PTK2: variants seen among roughly 807,000 people sequenced by gnomAD.
PTK2 encodes protein tyrosine kinase 2.
In PTK2, 45 loss-of-function variants were observed where a neutral mutation model predicts 150.1. The ratio of observed to expected loss-of-function variants is 0.30; its 90% CI spans 0.24 to 0.38. The LOEUF (loss-of-function observed/expected upper bound fraction) is 0.38. Among genes scored for constraint, PTK2 ranks in the 10% least tolerant of loss-of-function variants. The pLI, the probability that PTK2 is intolerant of heterozygous loss-of-function variation, is 1.00. For synonymous variants in PTK2, 432 were observed against 449.2 expected (o/e 0.96, Z 0.48); for missense variants, 919 against 1,307.3 (o/e 0.70, Z 4.58).
intron 8 of PTK2, among the ~76,000 whole-genome samples, chr8:140,827,634 C>T (rs2100112631): frequency 6.6e-6 from 1 of 152,102 alleles, no homozygotes; most frequent in Admixed American, 6.5e-5. Context: ...AAGTCTTATC[C>T]TGTCTTCACA....
intron 21 of PTK2, 21 bp downstream of exon 24, chr8:140,738,997 A>G: frequency 6.9e-7 from 1 of 1,454,214 alleles, no homozygotes; most frequent in Non-Finnish European, 9.2e-7. Flanking sequence ...TAAAGAATAC[A>G]AAACTTTTAA....
At chr8:140,955,188 C>A (rs1376455671) in intron 1 of PTK2, among the ~76,000 whole-genome samples, 1 of 152,216 alleles carries the variant, frequency 6.6e-6, no homozygotes, top group Non-Finnish European at 1.5e-5. Flanking sequence ...TGTGTCCCCA[C>A]TCAAATCTTG....
chr8:140,906,181 A>C (rs2100160802), intron 2 of PTK2, among the ~76,000 whole-genome samples: 2 of 152,196 alleles, frequency 1.3e-5, no homozygotes, highest in Non-Finnish European at 2.9e-5. Context: ...ATCTCACCTC[A>C]GTTGTAATAC....
intron 2 of PTK2, among the ~76,000 whole-genome samples, chr8:140,909,303 C>A (rs1028638414): frequency 2.6e-5 from 4 of 152,114 alleles, no homozygotes; most frequent in African/African-American, 9.7e-5. Context: ...TTAAGTATAT[C>A]CCTCAGAATT....
chr8:140,735,487 G>A (rs1428897231), intron 21 of PTK2, 32 bp from the exon 25 acceptor site: 2 of 1,600,216 alleles, frequency 1.2e-6, no homozygotes, highest in Admixed American at 1.7e-5. Flanking sequence ...ACAACAGTGA[G>A]CTCAGTATGA....
rs932430180 is a variant in PTK2, at chr8:140,961,416, C to T, written c.-121-35667G>A. ...GTGGCTCACACCTGTAATCCCAGCA[C>T]TTTTGGAGGCCAAGGAGAGTGGATC... On this transcript the variant is annotated intron_variant, in intron 1 of 31. Transcript: ENST00000522684. Among the ~76,000 whole-genome samples, 9 of 152,106 alleles carry T rather than the reference C, an allele frequency of 5.9e-5. No individual in the cohort carries two copies. The East Asian group carries it at 1.7e-3, about 29-fold the overall frequency.
At chr8:140,994,568 A>C (rs1444118937) in intron 1 of PTK2, among the ~76,000 whole-genome samples, 1 of 152,018 alleles carries the variant, frequency 6.6e-6, no homozygotes, top group Non-Finnish European at 1.5e-5. Context: ...GCTGATCTTG[A>C]ACTCCTGGCC....
At chr8:140,687,966 G>A (rs1391000770) in intron 26 of PTK2, among the ~76,000 whole-genome samples, 1 of 152,178 alleles carries the variant, frequency 6.6e-6, no homozygotes. Context: ...CTCCTACCAG[G>A]AAGTGGGTAA....
chr8:140,920,949 C>T (rs2100167161), intron 2 of PTK2: 1 of 1,450,684 alleles, frequency 6.9e-7, no homozygotes, highest in South Asian at 1.4e-5. Context: ...CAGGAGTCTG[C>T]ACACAAAGTC....
intron 1 of PTK2, among the ~76,000 whole-genome samples, chr8:140,967,113 A>G (rs1358371238): frequency 6.6e-6 from 1 of 152,244 alleles, no homozygotes; most frequent in Non-Finnish European, 1.5e-5. Flanking sequence ...ACATACAAGG[A>G]AACAGACTTA....
At chr8:140,979,529 T>C (rs144191046) in intron 1 of PTK2, among the ~76,000 whole-genome samples, 1 of 152,078 alleles carries the variant, frequency 6.6e-6, no homozygotes, top group East Asian at 1.9e-4. Context: ...CAATAAGATA[T>C]GACACAACCT....
At chr8:140,687,549 G>C (rs551575849) in intron 26 of PTK2, among the ~76,000 whole-genome samples, 2 of 152,298 alleles carry the variant, frequency 1.3e-5, no homozygotes, top group East Asian at 3.9e-4. Context: ...ATTCGTCTGT[G>C]TATCTCCTAT....
chr8:140,730,861 T>G (rs1052517616), intron 22 of PTK2, among the ~76,000 whole-genome samples: 1 of 151,714 alleles, frequency 6.6e-6, no homozygotes, highest in Non-Finnish European at 1.5e-5. Context: ...TGAACATACC[T>G]GCAAAAAGGC....
intron 2 of PTK2, among the ~76,000 whole-genome samples, chr8:140,925,410 G>A (rs1210013837): frequency 1.3e-5 from 2 of 152,010 alleles, no homozygotes; most frequent in East Asian, 1.9e-4. Flanking sequence ...CTCATACTGC[G>A]CTCATTTCCA....
chr8:140,662,810 T>C (rs1398024423), intron 31 of PTK2: 1 of 518,756 alleles, frequency 1.9e-6, no homozygotes, highest in Admixed American at 2.4e-5. Context: ...AAAATCTCAA[T>C]CTCATCAGGA....
chr8:140,816,244 A>C, intron 10 of PTK2, among the ~76,000 whole-genome samples: 1 of 152,234 alleles, frequency 6.6e-6, no homozygotes, highest in East Asian at 1.9e-4. Flanking sequence ...CATAAGGCCC[A>C]AAACTATAAA....
chr8:140,707,834 C>T (rs1365060014), intron 23 of PTK2, among the ~76,000 whole-genome samples: 2 of 152,170 alleles, frequency 1.3e-5, no homozygotes, highest in African/African-American at 4.8e-5. Flanking sequence ...TGCTCTCTGT[C>T]CAGTAGTCTG....
At chr8:140,939,459 A>G (rs1033310648) in intron 1 of PTK2, among the ~76,000 whole-genome samples, 5 of 152,226 alleles carry the variant, frequency 3.3e-5, no homozygotes, top group Non-Finnish European at 7.3e-5. Flanking sequence ...AAAAGATGAT[A>G]GATTTAGGAT....
At chr8:140,671,086 T>C (rs115053930) in intron 29 of PTK2, among the ~76,000 whole-genome samples, 1,609 of 152,346 alleles carry the variant, frequency 0.011, 30 homozygotes, top group African/African-American at 0.036. Context: ...TCTATAGATG[T>C]AGCCAATTCC....
Sources: gnomAD v4.1 joint callset for allele counts (sites outside exome capture counted in the v4.1 genomes callset) on GRCh38, gnomAD v4.1.1 for gene constraint, MANE v1.5 for transcripts, NCBI Gene and HGNC (gene_info 2026-07-23, HGNC 2026-07-21) for gene names.